Variants in MAB21L3 observed in about 807,000 individuals in gnomAD.
The protein encoded by MAB21L3 is protein mab-21-like 3.
Under a neutral mutation model 37.7 loss-of-function variants are expected in MAB21L3, and 36 were observed. The observed-to-expected ratio is 0.96, with a 90% confidence interval of 0.73 to 1.26. The LOEUF is 1.26. MAB21L3 is among the 50% of genes most tolerant of loss of function. MAB21L3 has a pLI of 0.00. For missense variants in MAB21L3, 430 were observed against 447.3 expected (o/e 0.96, Z 0.35); for synonymous variants, 186 against 176.8 (o/e 1.05, Z -0.41).
intron 3 of MAB21L3, among the ~76,000 whole-genome samples, chr1:116,114,573 A>G (rs1659517115): frequency 6.6e-6 from 1 of 152,212 alleles, no homozygotes; most frequent in African/African-American, 2.4e-5. Context: ...GCAAACACAT[A>G]CTAAGCACCT....
intron 3 of MAB21L3, among the ~76,000 whole-genome samples, chr1:116,114,015 T>C (rs1659501463): frequency 6.6e-6 from 1 of 152,184 alleles, no homozygotes; most frequent in Non-Finnish European, 1.5e-5. Context: ...CTTTTCTGGC[T>C]CATATTCATC....
intron 3 of MAB21L3, among the ~76,000 whole-genome samples, chr1:116,119,955 T>A (rs1659695750): frequency 1.3e-5 from 2 of 151,948 alleles, no homozygotes; most frequent in African/African-American, 4.8e-5. Context: ...AAGGCAGGGG[T>A]GAGTACGGAG....
At chr1:116,128,510 T>C (rs1659974965) in intron 7 of MAB21L3, among the ~76,000 whole-genome samples, 171 bp downstream of exon 7, 1 of 152,200 alleles carries the variant, frequency 6.6e-6, no homozygotes, top group Non-Finnish European at 1.5e-5. Flanking sequence ...CTACGTATTA[T>C]GGAAATATGT....
Position 116,133,114 on chromosome 1 carries a change from C to T in MAB21L3, c.856-18C>T. On this transcript the variant is annotated intron_variant, in intron 7 of 7. Transcript: ENST00000369500. ...AATTGCCCGAAACAATGTCTGACAG[C>T]ACTTCTCCCTTCCACAGACTGTGCT... 1.3e-6 allele frequency: 2 copies of T among 1,594,880 alleles called. No individual in the cohort carries two copies. Among genetic ancestry groups the T allele is most frequent in the African/African-American group, 1.3e-5 (1 of 74,644 alleles).
intron 7 of MAB21L3, among the ~76,000 whole-genome samples, chr1:116,130,297 G>C (rs1393350133): frequency 6.6e-6 from 1 of 152,182 alleles, no homozygotes; most frequent in Non-Finnish European, 1.5e-5. Flanking sequence ...GGATTTTAAG[G>C]CAACTCCTTA....
At chr1:116,128,390 A>C in intron 7 of MAB21L3, 51 bp downstream of exon 7, 27 of 1,527,746 alleles carry the variant, frequency 1.8e-5, no homozygotes, top group Non-Finnish European at 2.3e-5. Context: ...TGGATAGGTC[A>C]TTCTTCCTGT....
rs1454155363 is a variant in MAB21L3, at chr1:116,136,215, A to T, written c.*2850A>T. 1.8e-3 allele frequency among the ~76,000 whole-genome samples: 266 copies of T among 151,730 alleles called. No homozygotes were observed. The highest frequency in any genetic ancestry group is 5.2e-3 in the African/African-American group (214 of 41,320). On this transcript the variant is annotated 3_prime_UTR_variant, in exon 8 of 8. Transcript: ENST00000369500. ...CCCTGTTTGCAGACAACATGATTGT[A>T]TATCTAGAAAACCCCATTGTCTCAG...
intron 5 of MAB21L3, among the ~76,000 whole-genome samples, chr1:116,124,890 T>TAC (rs59565874): frequency 1.6e-3 from 180 of 116,042 alleles, no homozygotes; most frequent in Non-Finnish European, 2.6e-3. Flanking sequence ...CACACACACA[T>TAC]ACACACACAC....
At chr1:116,132,734 G>C (rs543140543) in intron 7 of MAB21L3, among the ~76,000 whole-genome samples, 1 of 152,250 alleles carries the variant, frequency 6.6e-6, no homozygotes, top group South Asian at 2.1e-4. Flanking sequence ...CTGGAAGATG[G>C]GATCCAGGGC....
chr1:116,114,455 A>G (rs1389777315), intron 3 of MAB21L3, among the ~76,000 whole-genome samples: 1 of 152,254 alleles, frequency 6.6e-6, no homozygotes, highest in Non-Finnish European at 1.5e-5. Context: ...TGGAGATTAA[A>G]TAACTTGTCC....
At chr1:116,116,475 A>G (rs1659589644) in intron 3 of MAB21L3, among the ~76,000 whole-genome samples, 1 of 152,148 alleles carries the variant, frequency 6.6e-6, no homozygotes, top group South Asian at 2.1e-4. Context: ...ATGCCTAAAT[A>G]CATGGAGACC....
intron 3 of MAB21L3, among the ~76,000 whole-genome samples, chr1:116,118,754 C>A (rs1454689964): frequency 1.3e-5 from 2 of 152,200 alleles, no homozygotes; most frequent in East Asian, 3.8e-4. Flanking sequence ...TCAATACCTG[C>A]TATTTTCTCA....
chr1:116,118,169 G>T (rs1197320750), intron 3 of MAB21L3, among the ~76,000 whole-genome samples: 2 of 152,240 alleles, frequency 1.3e-5, no homozygotes, highest in Admixed American at 6.5e-5. Flanking sequence ...ACAGCAAGAG[G>T]TCAGGAGATT....
At position 116,124,272 on chromosome 1, in the gene MAB21L3, C is replaced by A. The variant is rs1375971472; in HGVS notation, c.396C>A (p.Asn132Lys). The change falls in exon 5 of 8, where the codon AAC becomes AAA. Residue 132 changes from asparagine to lysine, a missense_variant. Coordinates refer to ENST00000369500, the MANE Select transcript of MAB21L3 (RefSeq NM_152367.3). ...SLWQWHETDV[N>K]IDGDIVPAKV... ...GGCAGTGGCATGAGACAGATGTGAACATCGACGGAGACATTGTGCCTGCCA... is the reference window on the plus strand; with the variant it reads ...GGCAGTGGCATGAGACAGATGTGAAAATCGACGGAGACATTGTGCCTGCCA... 6.2e-7 allele frequency: 1 copy of A among 1,614,182 alleles called. No homozygotes were observed. The highest frequency in any genetic ancestry group is 8.5e-7 in the Non-Finnish European group (1 of 1,180,046).
intron 3 of MAB21L3, among the ~76,000 whole-genome samples, chr1:116,114,527 G>A (rs1363396953): frequency 6.6e-6 from 1 of 152,172 alleles, no homozygotes; most frequent in East Asian, 1.9e-4. Flanking sequence ...TTACTCCAAA[G>A]GCCGAACGTC....
rs1660202618 is a variant in MAB21L3, at chr1:116,136,583, C to G, written c.*3218C>G. 6.6e-6 allele frequency among the ~76,000 whole-genome samples: 1 copy of G among 152,152 alleles called. No individual in the cohort carries two copies. The highest frequency in any genetic ancestry group is 1.5e-5 in the Non-Finnish European group (1 of 68,022). On this transcript the variant is annotated 3_prime_UTR_variant, in exon 8 of 8. Transcript: ENST00000369500. ...TTTACAGATTCAATGCCATCCCCAT[C>G]AAGCTACCAATGACTTTCTTCACAG...
intron 3 of MAB21L3, among the ~76,000 whole-genome samples, chr1:116,113,787 T>C (rs1301253097): frequency 1.3e-5 from 2 of 152,314 alleles, no homozygotes; most frequent in East Asian, 3.9e-4. Flanking sequence ...CCCAGTTTCT[T>C]GCCTGGAAAC....
chr1:116,135,403 A>G lies in MAB21L3; in HGVS notation c.*2038A>G, dbSNP rs539016650. ...AAGAAATGGATAAATTCCTCAACACATACACTCTCCCAAGACTAAACCAGG... is the reference window on the plus strand; with the variant it reads ...AAGAAATGGATAAATTCCTCAACACGTACACTCTCCCAAGACTAAACCAGG... On this transcript the variant is annotated 3_prime_UTR_variant, in exon 8 of 8. Transcript: ENST00000369500. Among the ~76,000 whole-genome samples the G allele has an allele frequency of 1.4e-4, 22 of 152,252 alleles. No individual in the cohort carries two copies. The East Asian group carries it at 3.9e-3, about 27-fold the overall frequency.
rs1659422811 is a variant in MAB21L3 at position 116,111,487 on chromosome 1, T to C, written c.-415T>C. On this transcript the variant is annotated 5_prime_UTR_variant, in exon 1 of 8. Transcript: ENST00000369500. ...CACTTACAGGTGGGCTTGGAAACAC[T>C]TGCCTTTGGAACATTGTTTAAAAGT... is the stretch of plus-strand genomic sequence containing the variant. Among the ~76,000 whole-genome samples, 1 of 152,172 alleles carries C rather than the reference T, an allele frequency of 6.6e-6. No individual in the cohort carries two copies. The highest frequency in any genetic ancestry group is 1.5e-5 in the Non-Finnish European group (1 of 68,024).
Sources: allele counts gnomAD v4.1 joint callset (sites outside exome capture counted in the v4.1 genomes callset), GRCh38; gene constraint gnomAD v4.1.1; transcripts MANE v1.5; gene names NCBI Gene and HGNC (gene_info 2026-07-23, HGNC 2026-07-21).